Variants in KLF12 observed in about 807,000 individuals in gnomAD.
The protein encoded by KLF12 is Krueppel-like factor 12.
In KLF12, 9 loss-of-function variants were observed where a neutral mutation model predicts 37.8. The observed-to-expected ratio is 0.24, with a 90% CI of 0.14 to 0.42. KLF12 has a LOEUF of 0.42. Among genes scored for constraint, KLF12 ranks in the 10% least tolerant of loss-of-function variants. KLF12 has a pLI of 1.00. For missense variants in KLF12, 411 were observed against 516.0 expected, an observed-to-expected ratio of 0.80 and a Z score of 1.97; for synonymous variants, 208 against 202.1, an observed-to-expected ratio of 1.03 and a Z score of -0.25.
At chr13:73,799,500 C>CTA (rs74310231) in intron 5 of KLF12, among the ~76,000 whole-genome samples, 110,155 of 151,746 alleles carry the variant, frequency 0.73, 40,191 homozygotes, top group Non-Finnish European at 0.74. Flanking sequence ...AATTCAATAA[C>CTA]TGTGGGCTTT....
At chr13:74,123,118 TAA>T (rs1314273481) in intron 1 of KLF12, among the ~76,000 whole-genome samples, 8 of 152,160 alleles carry the variant, frequency 5.3e-5, no homozygotes, top group South Asian at 2.1e-4. Context: ...TTTGAAAACT[TAA>T]AGAGTCACAG....
chr13:73,904,782 T>C (rs893343377), intron 3 of KLF12, among the ~76,000 whole-genome samples: 2 of 152,158 alleles, frequency 1.3e-5, no homozygotes, highest in African/African-American at 2.4e-5. Context: ...GACTTAACAG[T>C]GATGCGTGTA....
In KLF12 at chr13:74,005,070, C is replaced by G. The variant is rs560498801; in HGVS notation, c.-31-10017G>C. Among the ~76,000 whole-genome samples the G allele has an allele frequency of 2.0e-5, 3 of 152,298 alleles. No homozygotes were observed. In the East Asian group the frequency reaches 5.8e-4, roughly 29 times the overall value. On this transcript the variant is annotated intron_variant, in intron 1 of 7. Coordinates refer to ENST00000377669, the MANE Select transcript of KLF12 (RefSeq NM_007249.5). ...CTAACCTGTGCTTGAGGCTGTTACC[C>G]TAAACAACTATAAATTACATAATTT...
chr13:73,866,886 G>A (rs1168421748), intron 3 of KLF12, among the ~76,000 whole-genome samples: 2 of 129,314 alleles, frequency 1.5e-5, no homozygotes, highest in Admixed American at 9.6e-5. Context: ...GGGGCAAAAA[G>A]GGGGGGGGGA....
chr13:73,814,176 A>G (rs1488887130), intron 4 of KLF12, among the ~76,000 whole-genome samples: 1 of 152,236 alleles, frequency 6.6e-6, no homozygotes, highest in African/African-American at 2.4e-5. Context: ...TATCTTTTCA[A>G]TGAAAAGTAC....
At chr13:74,019,892 T>G (rs1309463899) in intron 1 of KLF12, among the ~76,000 whole-genome samples, 5 of 152,178 alleles carry the variant, frequency 3.3e-5, no homozygotes, top group African/African-American at 1.2e-4. Flanking sequence ...TAAATATAAG[T>G]GTCAGGCAGT....
the KLF12 span, among the ~76,000 whole-genome samples, chr13:74,175,869 C>T: frequency 6.6e-6 from 1 of 152,168 alleles, no homozygotes; most frequent in South Asian, 2.1e-4. Context: ...TCCAGGGTGC[C>T]TCATAACACA....
intron 3 of KLF12, among the ~76,000 whole-genome samples, chr13:73,903,361 G>A (rs530858893): frequency 6.6e-5 from 10 of 152,052 alleles, no homozygotes; most frequent in Admixed American, 1.3e-4. Flanking sequence ...AAACACATAA[G>A]GCTGTAAGTA....
chr13:74,124,034 CA>C (rs1877794883), intron 1 of KLF12, among the ~76,000 whole-genome samples: 1 of 152,170 alleles, frequency 6.6e-6, no homozygotes, highest in African/African-American at 2.4e-5. Flanking sequence ...CCATACTTAT[CA>C]AGTATTCTAA....
rs71115626 is a variant in KLF12 at position 73,957,015 on chromosome 13, A to AGAAAGGAAAGGAAAGGAAAG, written c.34-12965_34-12946dup. Among the ~76,000 whole-genome samples the AGAAAGGAAAGGAAAGGAAAG allele has an allele frequency of 5.5e-4, 48 of 87,454 alleles. 1 individual carries two copies. The highest frequency in any genetic ancestry group is 1.5e-3 in the African/African-American group (24 of 15,956). 57.4% of individuals were successfully genotyped at this position (87,454 alleles called of 152,430 possible). ...GGGAAAGGAGGGAAAGGAAAGGAAA[A>AGAAAGGAAAGGAAAGGAAAG]GAAAGGAAAGGAAAGGAAAGGAAAG... On this transcript the variant is annotated intron_variant, in intron 2 of 7. Transcript: ENST00000377669.
rs1197242654 is a variant in KLF12, at chr13:73,689,274, TG to T, written c.*6215del. ...GTCTCCCTTTTCTTCTTTCTAACAT[TG>T]GGAGGAGAAAACAGTGGATGTTTTT... On this transcript the variant is annotated 3_prime_UTR_variant, in exon 8 of 8. Transcript: ENST00000377669. 6.6e-6 allele frequency: 1 copy of T among 152,074 alleles called. No homozygotes were observed. The highest frequency in any genetic ancestry group is 2.4e-5 in the African/African-American group (1 of 41,406). The allele number at this position is 152,074 out of a possible 1,614,324, so 9.4% of individuals were successfully genotyped here. A position where few individuals can be genotyped will look rare whatever the true frequency, so the allele number is the denominator to read the frequency against.
At chr13:74,060,510 G>GTC (rs1566523563) in intron 1 of KLF12, among the ~76,000 whole-genome samples, 121 of 121,274 alleles carry the variant, frequency 1.0e-3, no homozygotes, top group Middle Eastern at 4.2e-3. Context: ...GTGTGTGTGT[G>GTC]TGTGTGTGTG....
the KLF12 span, among the ~76,000 whole-genome samples, chr13:74,237,925 C>T: frequency 6.6e-6 from 1 of 151,670 alleles, no homozygotes; most frequent in Non-Finnish European, 1.5e-5. Flanking sequence ...ATTGAATACC[C>T]TTTATTTCCT....
intron 1 of KLF12, among the ~76,000 whole-genome samples, chr13:74,012,680 A>G (rs1370237969): frequency 6.6e-6 from 1 of 152,204 alleles, no homozygotes; most frequent in Non-Finnish European, 1.5e-5. Flanking sequence ...TTCCTTAAGC[A>G]TTCTTCTGAG....
At chr13:73,704,796 A>G (rs562730836) in intron 7 of KLF12, among the ~76,000 whole-genome samples, 1 of 152,138 alleles carries the variant, frequency 6.6e-6, no homozygotes, top group African/African-American at 2.4e-5. Context: ...CGTACTGTGG[A>G]TGACTTTGAG....
chr13:74,257,661 C>T, the KLF12 span: 3 of 152,158 alleles, frequency 2.0e-5, no homozygotes, highest in African/African-American at 7.2e-5. Context: ...GGACTGCGAG[C>T]TTGATACGGA....
chr13:74,084,733 T>G (rs1236865397), intron 1 of KLF12, among the ~76,000 whole-genome samples: 1 of 152,150 alleles, frequency 6.6e-6, no homozygotes, highest in Admixed American at 6.5e-5. Flanking sequence ...TGTAGGTGTA[T>G]TCCAAATTTA....
chr13:74,241,193 G>A, the KLF12 span, among the ~76,000 whole-genome samples: 44 of 152,144 alleles, frequency 2.9e-4, no homozygotes, highest in African/African-American at 7.7e-4. Context: ...GTCTGTTGGA[G>A]TACCCAGCCA....
chr13:74,017,816 G>GGC (rs1331483802), intron 1 of KLF12, among the ~76,000 whole-genome samples: 1 of 152,064 alleles, frequency 6.6e-6, no homozygotes, highest in East Asian at 1.9e-4. Context: ...CAGAGAAGCA[G>GGC]GCGCCCTGGC....
Sources: gnomAD v4.1 joint callset for allele counts (sites outside exome capture counted in the v4.1 genomes callset) on GRCh38, gnomAD v4.1.1 for gene constraint, MANE v1.5 for transcripts, NCBI Gene and HGNC (gene_info 2026-07-23, HGNC 2026-07-21) for gene names.